Variants in PIK3CA observed in about 807,000 individuals in gnomAD.
The protein encoded by PIK3CA is phosphatidylinositol 4,5-bisphosphate 3-kinase catalytic subunit alpha isoform.
PIK3CA carries 27 observed loss-of-function variants against 138.2 expected under a neutral mutation model. The observed-to-expected ratio is 0.20, with a 90% CI of 0.14 to 0.27. The LOEUF is 0.27. PIK3CA is among the 10% of genes least tolerant of loss of function. The pLI is 1.00. For synonymous variants in PIK3CA, 358 were observed against 413.2 expected, an observed-to-expected ratio of 0.87 and a Z score of 1.62; for missense variants, 544 against 1,277.4, an observed-to-expected ratio of 0.43 and a Z score of 8.75.
chr3:179,220,405 TCAGAACAA>T lies in PIK3CA; in HGVS notation c.2015+354_2015+361del, dbSNP rs1295713425. Among the ~76,000 whole-genome samples the T allele has an allele frequency of 2.6e-5, 4 of 152,162 alleles. No individual in the cohort carries two copies. The highest frequency in any genetic ancestry group is 2.9e-5 in the Non-Finnish European group (2 of 68,010). ...AGAAAAAAATGTTTTACCTTGAAAT[TCAGAACAA>T]TGTCAAACTCCCGTGGTTCTTACTG... On this transcript the variant is annotated intron_variant, in intron 13 of 20. Transcript: ENST00000263967. The surrounding 1 kb of genome is among the most constrained non-coding windows in gnomAD (Gnocchi z 4.1).
intron 9 of PIK3CA, among the ~76,000 whole-genome samples, chr3:179,215,360 G>C (rs1358800594): frequency 6.6e-6 from 1 of 152,012 alleles, no homozygotes; most frequent in Non-Finnish European, 1.5e-5. Flanking sequence ...TTTTATAGCA[G>C]AATAAAACTT....
intron 1 of PIK3CA, among the ~76,000 whole-genome samples, chr3:179,173,235 G>A (rs1416385455): frequency 6.6e-6 from 1 of 151,718 alleles, no homozygotes; most frequent in East Asian, 1.9e-4. Flanking sequence ...AGGTGCCAAG[G>A]TAATTCAATG....
intron 1 of PIK3CA, among the ~76,000 whole-genome samples, chr3:179,165,893 T>A (rs1723405761): frequency 1.3e-5 from 2 of 152,194 alleles, no homozygotes; most frequent in Admixed American, 1.3e-4. Context: ...TCAGCTTATA[T>A]GTAATCTGAG....
At chr3:179,205,020 C>CAAAA (rs574908621) in intron 6 of PIK3CA, among the ~76,000 whole-genome samples, 23 of 53,378 alleles carry the variant, frequency 4.3e-4, no homozygotes, top group African/African-American at 1.2e-3. Flanking sequence ...GACTCCGTCT[C>CAAAA]AAAAAAAAAA....
intron 1 of PIK3CA, among the ~76,000 whole-genome samples, chr3:179,157,701 A>G (rs1406116886): frequency 6.6e-6 from 1 of 152,110 alleles, no homozygotes; most frequent in Non-Finnish European, 1.5e-5. Flanking sequence ...CAGTCAGGAT[A>G]GTCTTAGAAA....
rs1560148927 is a variant in PIK3CA, at chr3:179,229,300, G to T, written c.2524G>T (p.Gly842Cys). ...RMLPYGCLSI[G>C]DCVGLIEVVR... ...GTTACCTTATGGTTGTCTGTCAATC[G>T]GTGACTGTGTGGGACTTATTGAGGT... Residue 842 changes from glycine (G) to cysteine (C), a missense_variant, in exon 18 of 21, where the codon GGT (glycine) becomes TGT (cysteine). Transcript: ENST00000263967. The T allele has an allele frequency of 6.2e-7, 1 of 1,612,202 alleles. No individual in the cohort carries two copies. Among genetic ancestry groups the T allele is most frequent in the Non-Finnish European group, 8.5e-7 (1 of 1,179,098 alleles).
At position 179,199,046 on chromosome 3, in the gene PIK3CA, C is replaced by T; in HGVS notation, c.221C>T (p.Thr74Ile). ...DESSYIFVSVTQEAEREEFFD... is the reference protein window; with the variant it reads ...DESSYIFVSVIQEAEREEFFD... ...TCTTCTTACATTTTCGTAAGTGTTA[C>T]TCAAGAAGCAGAAAGGGAAGAATTT... is the stretch of plus-strand genomic sequence containing the variant. The change falls in exon 2 of 21, where the codon ACT (threonine) becomes ATT (isoleucine). Residue 74 changes from threonine to isoleucine, a missense_variant. Transcript: ENST00000263967. 2 of 1,613,678 alleles carry T rather than the reference C, an allele frequency of 1.2e-6. No homozygotes were observed. Among genetic ancestry groups the T allele is most frequent in the African/African-American group, 1.3e-5 (1 of 75,036 alleles).
chr3:179,228,575 T>C (rs1201302785), intron 17 of PIK3CA, among the ~76,000 whole-genome samples: 5 of 152,084 alleles, frequency 3.3e-5, no homozygotes, highest in African/African-American at 1.2e-4. Flanking sequence ...AGATTTTCTT[T>C]TTATACTTTA....
intron 1 of PIK3CA, among the ~76,000 whole-genome samples, chr3:179,174,531 A>G: frequency 6.6e-6 from 1 of 152,048 alleles, no homozygotes; most frequent in Non-Finnish European, 1.5e-5. Flanking sequence ...TCCCTCTCAC[A>G]ACTTTGTCTT....
intron 1 of PIK3CA, among the ~76,000 whole-genome samples, chr3:179,155,317 T>G (rs578055144): frequency 6.6e-6 from 1 of 152,342 alleles, no homozygotes; most frequent in South Asian, 2.1e-4. Flanking sequence ...GAATCATATT[T>G]AGAAATAAAA....
At position 179,220,235 on chromosome 3, in the gene PIK3CA, A is replaced by C. The variant is rs112896638; in HGVS notation, c.2015+183A>C. On this transcript the variant is annotated intron_variant, in intron 13 of 20. Coordinates refer to ENST00000263967, the MANE Select transcript of PIK3CA (RefSeq NM_006218.4). This position sits in a 1 kb window ranked among gnomAD's most constrained non-coding sequence, Gnocchi z 4.1. ...TTTTGCTCTTTGAAATTTAAAAAGC[A>C]GTAAATTCAAAACTAAATTTTAGTC... 0.03 allele frequency among the ~76,000 whole-genome samples: 4,634 copies of C among 152,264 alleles called. 88 individuals carry two copies. Among genetic ancestry groups the C allele is most frequent in the Non-Finnish European group, 0.046 (3,127 of 67,990 alleles).
intron 17 of PIK3CA, among the ~76,000 whole-genome samples, chr3:179,226,443 CTT>C (rs1725084519): frequency 6.6e-6 from 1 of 152,136 alleles, no homozygotes; most frequent in South Asian, 2.1e-4. Context: ...AACCAGCTAT[CTT>C]AGAGTTTTTA....
intron 3 of PIK3CA, among the ~76,000 whole-genome samples, chr3:179,200,683 T>C (rs1367959952): frequency 2.0e-5 from 3 of 152,224 alleles, no homozygotes; most frequent in East Asian, 3.8e-4. Flanking sequence ...TTTCAACATA[T>C]AGACAACTTG....
chr3:179,214,237 G>A (rs1193803856), intron 9 of PIK3CA, among the ~76,000 whole-genome samples: 1 of 152,212 alleles, frequency 6.6e-6, no homozygotes, highest in Non-Finnish European at 1.5e-5. Flanking sequence ...GCCTTGGCCT[G>A]TATGGCTTTT....
chr3:179,203,437 AT>A, intron 4 of PIK3CA, 106 bp from the exon 5 acceptor site: 2 of 1,071,408 alleles, frequency 1.9e-6, no homozygotes, highest in Non-Finnish European at 2.6e-6. Flanking sequence ...ATAATGTTTA[AT>A]TTTTTATCAC....
At chr3:179,184,635 A>G (rs1723930336) in intron 1 of PIK3CA, among the ~76,000 whole-genome samples, 1 of 152,242 alleles carries the variant, frequency 6.6e-6, no homozygotes, top group Admixed American at 6.5e-5. Context: ...AATATATTGT[A>G]TCTGCTGGTG....
In PIK3CA at chr3:179,210,168, TTTTC is replaced by T; in HGVS notation, c.1252-14_1252-11del. On this transcript the variant is annotated splice_polypyrimidine_tract_variant and intron_variant, in intron 7 of 20. Coordinates refer to ENST00000263967, the MANE Select transcript of PIK3CA (RefSeq NM_006218.4). Reference sequence around the variant, plus strand: ...TTTTATAATTTAGACTAGTGAATATTTTTCTTTGTTTTTTAAGGAACACTGTCCA... The same window carrying T: ...TTTTATAATTTAGACTAGTGAATATTTTTGTTTTTTAAGGAACACTGTCCA... The T allele has an allele frequency of 6.4e-7, 1 of 1,551,534 alleles. No homozygotes were observed. Among genetic ancestry groups the T allele is most frequent in the Non-Finnish European group, 8.7e-7 (1 of 1,155,324 alleles).
At chr3:179,165,063 C>G (rs1317791812) in intron 1 of PIK3CA, among the ~76,000 whole-genome samples, 2 of 152,046 alleles carry the variant, frequency 1.3e-5, no homozygotes, top group Non-Finnish European at 2.9e-5. Flanking sequence ...CCCTACCTGT[C>G]CTTCTACCTT....
chr3:179,164,272 A>C (rs7648857), intron 1 of PIK3CA, among the ~76,000 whole-genome samples: 37,136 of 152,074 alleles, frequency 0.24, 5,600 homozygotes, highest in African/African-American at 0.42. Flanking sequence ...TTCATCATTC[A>C]TCTGTGCACC....
Sources: gnomAD v4.1 joint callset for allele counts (sites outside exome capture counted in the v4.1 genomes callset) on GRCh38, gnomAD v4.1.1 for gene constraint, Gnocchi (gnomAD v3.1) non-coding constraint, MANE v1.5 for transcripts, NCBI Gene and HGNC (gene_info 2026-07-23, HGNC 2026-07-21) for gene names.